AGTPBP1: variants seen among roughly 807,000 people sequenced by gnomAD.
The protein encoded by AGTPBP1 is ATP/GTP binding carboxypeptidase 1.
In AGTPBP1, 70 loss-of-function variants were observed where a neutral mutation model predicts 143.9. That is an observed-to-expected ratio of 0.49 (90% confidence interval 0.40 to 0.59). AGTPBP1 has a LOEUF of 0.59. Ranked by LOEUF, AGTPBP1 falls within the 20% of genes least tolerant of loss-of-function variation. The pLI, the probability that AGTPBP1 is intolerant of heterozygous loss-of-function variation, is 0.00. For synonymous variants in AGTPBP1, 463 were observed against 500.2 expected (o/e 0.93, Z 0.99); for missense variants, 1,229 against 1,464.5 (o/e 0.84, Z 2.62).
At chr9:85,705,346 A>G (rs905443168) in intron 2 of AGTPBP1, among the ~76,000 whole-genome samples, 1 of 151,944 alleles carries the variant, frequency 6.6e-6, no homozygotes, top group Non-Finnish European at 1.5e-5. Flanking sequence ...AAGAACTAAG[A>G]TAAGTATGAC....
chr9:85,773,108 A>G, the AGTPBP1 span, among the ~76,000 whole-genome samples: 1 of 151,276 alleles, frequency 6.6e-6, no homozygotes, highest in African/African-American at 2.4e-5. Context: ...TACTAAAAAT[A>G]CAAAAAATTA....
chr9:85,687,844 C>T (rs1038518043), intron 3 of AGTPBP1, among the ~76,000 whole-genome samples: 10 of 152,090 alleles, frequency 6.6e-5, no homozygotes, highest in African/African-American at 2.2e-4. Context: ...AATCCCAGGA[C>T]TTTGGGAGGC....
intron 10 of AGTPBP1, among the ~76,000 whole-genome samples, chr9:85,656,616 A>AG (rs1484710675): frequency 1.3e-5 from 2 of 151,884 alleles, no homozygotes; most frequent in South Asian, 2.1e-4. Context: ...AAAAAAAAAG[A>AG]GAGGGGGTTG....
At chr9:85,723,976 G>C (rs11141076) in intron 1 of AGTPBP1, among the ~76,000 whole-genome samples, 9,504 of 152,174 alleles carry the variant, frequency 0.062, 366 homozygotes, top group Non-Finnish European at 0.092. Context: ...AAACTTTCCA[G>C]CCACCAGAAC....
chr9:85,778,914 C>T, the AGTPBP1 span, among the ~76,000 whole-genome samples: 11 of 152,078 alleles, frequency 7.2e-5, no homozygotes, highest in African/African-American at 1.2e-4. Context: ...TTGCCTCTCA[C>T]GAGCAGTGAA....
At chr9:85,691,899 T>C (rs1397387745) in intron 3 of AGTPBP1, among the ~76,000 whole-genome samples, 1 of 152,158 alleles carries the variant, frequency 6.6e-6, no homozygotes, top group East Asian at 1.9e-4. Context: ...TATAGAACAT[T>C]TTAAATATTC....
chr9:85,776,123 C>G, the AGTPBP1 span, among the ~76,000 whole-genome samples: 1 of 152,186 alleles, frequency 6.6e-6, no homozygotes, highest in South Asian at 2.1e-4. Context: ...ATGCACCAAT[C>G]CCCAACCCAA....
rs537272165 is a variant in AGTPBP1 at position 85,573,385 on chromosome 9, C to T, written c.3503+1930G>A. Among the ~76,000 whole-genome samples the T allele has an allele frequency of 3.7e-4, 57 of 152,324 alleles. 1 individual carries two copies. In the South Asian group the frequency reaches 9.9e-3, roughly 27 times the overall value. On this transcript the variant is annotated intron_variant, in intron 25 of 25. Coordinates refer to ENST00000357081, the MANE Select transcript of AGTPBP1 (RefSeq NM_001330701.2). ...CCTCCCGAGGTGCTGGGATTGCAGA[C>T]GGAGTCTCGTTCACTCAGTGCTCAA...
At chr9:85,636,387 C>T (rs187407181) in intron 13 of AGTPBP1, among the ~76,000 whole-genome samples, 5 of 151,468 alleles carry the variant, frequency 3.3e-5, no homozygotes, top group South Asian at 2.1e-4. Context: ...CTTAGCTTCC[C>T]GAGTAGCTAG....
At chr9:85,799,093 G>C in the AGTPBP1 span, among the ~76,000 whole-genome samples, 2 of 152,050 alleles carry the variant, frequency 1.3e-5, no homozygotes, top group Non-Finnish European at 2.9e-5. Context: ...TTGGTTTTCT[G>C]TCCTTGTGAT....
chr9:85,789,464 A>G, the AGTPBP1 span, among the ~76,000 whole-genome samples: 2 of 151,972 alleles, frequency 1.3e-5, no homozygotes, highest in Admixed American at 1.3e-4. Flanking sequence ...TTTTCCTCTA[A>G]CTGTAATAAA....
At chr9:85,789,361 C>T in the AGTPBP1 span, among the ~76,000 whole-genome samples, 1 of 152,116 alleles carries the variant, frequency 6.6e-6, no homozygotes, top group Non-Finnish European at 1.5e-5. Flanking sequence ...TTTACTTTTT[C>T]ACATGCTTTT....
chr9:85,586,413 G>A (rs1264929481), intron 22 of AGTPBP1, among the ~76,000 whole-genome samples: 5 of 152,020 alleles, frequency 3.3e-5, no homozygotes, highest in African/African-American at 7.3e-5. Context: ...TAATATAACA[G>A]GAACATTCTA....
chr9:85,570,787 C>A (rs4877943), intron 25 of AGTPBP1, among the ~76,000 whole-genome samples: 28,391 of 152,076 alleles, frequency 0.19, 3,425 homozygotes, highest in East Asian at 0.51. Context: ...ATGAAAGACA[C>A]TGAGATTACA....
chr9:85,619,230 A>C lies in AGTPBP1; in HGVS notation c.2171T>G (p.Val724Gly). ...AGTGACTTACTTTCTAATTTGAATT[A>C]CTTTGCGCAGATTCCCAGACTCAAA... ...SKFESGNLRK[V>G]IQIRKNEYDL... The change falls in exon 16 of 26, where the codon GTA becomes GGA. Residue 724 changes from valine (V) to glycine (G), a missense_variant. Transcript: ENST00000357081. 1 of 1,613,286 alleles carries C rather than the reference A, an allele frequency of 6.2e-7. No individual in the cohort carries two copies.
intron 6 of AGTPBP1, among the ~76,000 whole-genome samples, chr9:85,676,989 C>A (rs1587879373): frequency 6.6e-6 from 1 of 152,000 alleles, no homozygotes; most frequent in Non-Finnish European, 1.5e-5. Context: ...AAAAACTGAT[C>A]TCATGAAAGG....
intron 8 of AGTPBP1, among the ~76,000 whole-genome samples, chr9:85,663,382 A>G (rs963872189): frequency 6.6e-6 from 1 of 152,150 alleles, no homozygotes; most frequent in Non-Finnish European, 1.5e-5. Flanking sequence ...ATTCTGCCTC[A>G]GTAGTGGGGA....
At chr9:85,797,185 G>A in the AGTPBP1 span, among the ~76,000 whole-genome samples, 1 of 152,006 alleles carries the variant, frequency 6.6e-6, no homozygotes, top group African/African-American at 2.4e-5. Context: ...GCGACGCGAT[G>A]ATAGCCCACT....
intron 8 of AGTPBP1, among the ~76,000 whole-genome samples, chr9:85,666,111 C>A (rs532909894): frequency 6.6e-6 from 1 of 152,030 alleles, no homozygotes; most frequent in East Asian, 1.9e-4. Flanking sequence ...AAAAAGTAGT[C>A]TGTGGCTTAG....
Sources: allele counts gnomAD v4.1 joint callset (sites outside exome capture counted in the v4.1 genomes callset), GRCh38; gene constraint gnomAD v4.1.1; transcripts MANE v1.5; gene names NCBI Gene and HGNC (gene_info 2026-07-23, HGNC 2026-07-21).